The following TPM1 variants were observed in gnomAD, a reference collection of about 807,000 sequenced individuals.
TPM1 encodes the protein tropomyosin 1.
Under a neutral mutation model 42.9 loss-of-function variants are expected in TPM1, and 24 were observed. That is an observed-to-expected ratio of 0.56 (90% confidence interval 0.41 to 0.79). The LOEUF is 0.79. Among genes scored for constraint, TPM1 ranks in the 30% least tolerant of loss-of-function variants. The pLI, the probability that TPM1 is intolerant of heterozygous loss-of-function variation, is 0.00. For missense variants in TPM1, 158 were observed against 351.8 expected (o/e 0.45, Z 4.41); for synonymous variants, 136 against 130.1 (o/e 1.05, Z -0.31).
chr15:63,064,916 G>A (rs532793537), intron 9 of TPM1: 31 of 847,336 alleles, frequency 3.7e-5, no homozygotes, highest in South Asian at 5.4e-5. Flanking sequence ...GCAGTCAGCC[G>A]AGATCGCACC....
chr15:63,054,929 A>G (rs1440330806), intron 2 of TPM1, among the ~76,000 whole-genome samples: 1 of 152,080 alleles, frequency 6.6e-6, no homozygotes, highest in African/African-American at 2.4e-5. Context: ...CTCAAAAGGA[A>G]TAGAATTTTA....
intron 2 of TPM1, 133 bp downstream of exon 2, chr15:63,044,285 C>T (rs1177168915): frequency 1.5e-6 from 2 of 1,348,142 alleles, no homozygotes; most frequent in African/African-American, 1.4e-5. Flanking sequence ...TGCCATGGCC[C>T]AGAGCATTGG....
rs775869894 is a variant in TPM1, at chr15:63,062,726, A to T, written c.772+81A>T. 37 of 1,608,892 alleles carry T rather than the reference A, an allele frequency of 2.3e-5. No individual in the cohort carries two copies. The highest frequency in any genetic ancestry group is 3.3e-5 in the Admixed American group (2 of 59,708). On this transcript the variant is annotated intron_variant, in intron 8 of 9. Transcript: ENST00000403994. ...CAAAACAATTTTCCAATTCAAGGGC[A>T]TCCACATTGATACGCTCCTTTGCAC... is the stretch of plus-strand genomic sequence containing the variant.
intron 2 of TPM1, among the ~76,000 whole-genome samples, chr15:63,050,485 A>C (rs2033630891): frequency 6.6e-6 from 1 of 152,104 alleles, no homozygotes; most frequent in Non-Finnish European, 1.5e-5. Context: ...ACAAAAGATA[A>C]ATTTTATGAA....
chr15:63,044,092 C>T lies in TPM1; in HGVS notation c.180C>T (p.Tyr60=), dbSNP rs17850194. The part of the protein sequence containing the change: ...LKGTEDELDK[Y]SEALKDAQEK... Reference sequence around the variant, plus strand: ...GCACCGAAGATGAACTGGACAAATACTCTGAGGCTCTCAAAGATGCCCAGG... The same window carrying T: ...GCACCGAAGATGAACTGGACAAATATTCTGAGGCTCTCAAAGATGCCCAGG... The change falls in exon 2 of 10, where the codon TAC becomes TAT. Residue 60 remains tyrosine (Y), a synonymous_variant. Transcript: ENST00000403994. The T allele has an allele frequency of 4.4e-4, 706 of 1,614,170 alleles. 2 individuals carry two copies. In the African/African-American group the frequency reaches 8.1e-3, roughly 18 times the overall value.
At chr15:63,062,774 C>T in intron 8 of TPM1, 129 bp downstream of exon 8, 4 of 1,562,482 alleles carry the variant, frequency 2.6e-6, no homozygotes, top group Non-Finnish European at 2.6e-6. Flanking sequence ...CCTGTGTGTC[C>T]TCTGGGGTTT....
chr15:63,066,093 A>C lies in TPM1; in HGVS notation c.*194A>C, dbSNP rs1356062692. The C allele has an allele frequency of 6.6e-7, 1 of 1,504,814 alleles. No homozygotes were observed. Among genetic ancestry groups the C allele is most frequent in the East Asian group, 2.5e-5 (1 of 40,624 alleles). The allele number at this position is 1,504,814 out of a possible 1,614,324, so 93.2% of individuals were successfully genotyped here. Reference sequence around the variant, plus strand: ...GTGTCAAATAAACACTGTGTAAGCTATTTCTGTTTGCTATTCTTTTTACTT... The same window carrying C: ...GTGTCAAATAAACACTGTGTAAGCTCTTTCTGTTTGCTATTCTTTTTACTT... On this transcript the variant is annotated 3_prime_UTR_variant, in exon 10 of 10. Coordinates refer to ENST00000403994, the MANE Select transcript of TPM1 (RefSeq NM_001018005.2).
At chr15:63,069,240 C>A (rs1256465526), downstream of TPM1, among the ~76,000 whole-genome samples, 7 of 152,192 alleles carry the variant, frequency 4.6e-5, no homozygotes, top group Admixed American at 4.6e-4. Flanking sequence ...ATGGATAACA[C>A]TATCAAAGCT....
At chr15:63,046,458 T>C (rs1027041260) in intron 2 of TPM1, 20 of 152,260 alleles carry the variant, frequency 1.3e-4, no homozygotes, top group African/African-American at 4.8e-4. Flanking sequence ...TATTCACCAG[T>C]GTAAAACACT....
At chr15:63,067,400 TCTGA>T (rs917263128), downstream of TPM1, among the ~76,000 whole-genome samples, 2 of 152,238 alleles carry the variant, frequency 1.3e-5, no homozygotes, top group Admixed American at 6.5e-5. Context: ...TGGGCCTGCT[TCTGA>T]CTATGATTCC....
intron 2 of TPM1, among the ~76,000 whole-genome samples, chr15:63,049,800 G>A (rs562958263): frequency 1.3e-5 from 2 of 152,296 alleles, no homozygotes; most frequent in African/African-American, 4.8e-5. Flanking sequence ...AAATTAATAG[G>A]CAAAAGATAA....
At chr15:63,070,290 G>GTGTATA (rs946549260), downstream of TPM1, 25 of 503,006 alleles carry the variant, frequency 5.0e-5, no homozygotes, top group African/African-American at 5.0e-4. Flanking sequence ...CTTTAAGTAT[G>GTGTATA]TATATATATA....
At chr15:63,070,027 T>C (rs114073739), downstream of TPM1, 3,816 of 1,601,314 alleles carry the variant, frequency 2.4e-3, 69 homozygotes, top group African/African-American at 0.04. Context: ...CTTCAACTAA[T>C]AGAGTTGAAA....
At chr15:63,048,298 C>G (rs1325450556) in intron 2 of TPM1, 6 of 835,832 alleles carry the variant, frequency 7.2e-6, no homozygotes, top group Non-Finnish European at 1.1e-5. Flanking sequence ...CGCCTTTCTC[C>G]CCGCCGCCGC....
chr15:63,060,104 C>T (rs2035411436), intron 4 of TPM1: 1 of 229,730 alleles, frequency 4.4e-6, no homozygotes, highest in Non-Finnish European at 8.8e-6. Flanking sequence ...TCACAGAGGC[C>T]TCTCTCCTCA....
chr15:63,069,843 T>A, downstream of TPM1: 4 of 1,613,924 alleles, frequency 2.5e-6, no homozygotes, highest in Non-Finnish European at 3.4e-6. Context: ...GCCTCTTTTC[T>A]GCTAACCTGC....
At chr15:63,043,989 A>T in intron 1 of TPM1, 38 bp from the exon 2 acceptor site, 2 of 1,604,000 alleles carry the variant, frequency 1.2e-6, no homozygotes, top group Non-Finnish European at 1.7e-6. Flanking sequence ...TGCCTGCTGC[A>T]CCCCCCTCCC....
rs757001905 is a variant in TPM1, at chr15:63,062,176, G to T, written c.640-39G>T. On this transcript the variant is annotated intron_variant, in intron 6 of 9. Transcript: ENST00000403994. Reference sequence around the variant, plus strand: ...GCATGAGAAGCCATGAGTAGATTGAGCTGCAGCCTGACATCTGGAATGCTC... The same window carrying T: ...GCATGAGAAGCCATGAGTAGATTGATCTGCAGCCTGACATCTGGAATGCTC... The T allele has an allele frequency of 2.5e-6, 4 of 1,588,742 alleles. No homozygotes were observed. In the African/African-American group the frequency reaches 5.4e-5, roughly 21 times the overall value.
In TPM1 at chr15:63,065,878, C is replaced by G. The variant is rs773782447; in HGVS notation, c.852-18C>G. 15 of 1,596,446 alleles carry G rather than the reference C, an allele frequency of 9.4e-6. No homozygotes were observed. Among genetic ancestry groups the G allele is most frequent in the Non-Finnish European group, 1.3e-5 (15 of 1,173,054 alleles). ...TGTGCCACTTTTTTTTTCCTCCCAC[C>G]TTTTTATCTTCACGCAGATAAGTTT... is the stretch of plus-strand genomic sequence containing the variant. On this transcript the variant is annotated intron_variant, in intron 9 of 9. Coordinates refer to ENST00000403994, the MANE Select transcript of TPM1 (RefSeq NM_001018005.2).
Sources: allele counts gnomAD v4.1 joint callset (sites outside exome capture counted in the v4.1 genomes callset), GRCh38; gene constraint gnomAD v4.1.1; transcripts MANE v1.5; gene names NCBI Gene and HGNC (gene_info 2026-07-23, HGNC 2026-07-21).